RABGGTA: variants seen among roughly 807,000 people sequenced by gnomAD.
RABGGTA encodes Rab geranylgeranyltransferase subunit alpha, also known as geranylgeranyl transferase type-2 subunit alpha.
In RABGGTA, 69 loss-of-function variants were observed where a neutral mutation model predicts 83.3. The observed-to-expected ratio is 0.83, with a 90% CI of 0.68 to 1.01. The LOEUF is 1.01. Ranked by LOEUF, RABGGTA falls within the 50% of genes least tolerant of loss-of-function variation. The probability of loss-of-function intolerance (pLI) is 0.00; values close to 1 mark genes in which losing one functional copy is unlikely to be tolerated. For missense variants in RABGGTA, 681 were observed against 712.7 expected (o/e 0.96, Z 0.51); for synonymous variants, 310 against 299.8 (o/e 1.03, Z -0.35).
chr14:24,268,254 A>T, intron 11 of RABGGTA, 56 bp from the exon 12 acceptor site: 1 of 1,608,128 alleles, frequency 6.2e-7, no homozygotes, highest in Non-Finnish European at 8.5e-7. Flanking sequence ...AGCACTGGTC[A>T]ACATTCCCAG....
chr14:24,269,273 T>C (rs2040914195), intron 6 of RABGGTA, 110 bp from the exon 7 acceptor site: 3 of 1,147,014 alleles, frequency 2.6e-6, no homozygotes. Context: ...GTCTCACTTA[T>C]ATGCTGTCCT....
chr14:24,270,378 G>C lies in RABGGTA; in HGVS notation c.195C>G (p.Leu65=). The C allele has an allele frequency of 1.2e-6, 2 of 1,613,998 alleles. No homozygotes were observed. The highest frequency in any genetic ancestry group is 1.7e-6 in the Non-Finnish European group (2 of 1,179,894). The change falls in exon 4 of 17, where the codon CTC becomes CTG. Residue 65 remains leucine, a synonymous_variant. Coordinates refer to ENST00000216840, the MANE Select transcript of RABGGTA (RefSeq NM_182836.3). ...GGAGCACCTCTCGTCGGCAGTTCCA[G>C]AGGGTGGCAAAATCAGGGTTGGCTC... ...ILGANPDFAT[L]WNCRREVLQQ... is the part of the protein sequence containing the mutation.
Position 24,268,793 on chromosome 14 carries a change from C to G in RABGGTA, c.832G>C (p.Val278Leu). The G allele has an allele frequency of 6.4e-7, 1 of 1,574,184 alleles. No homozygotes were observed. The highest frequency in any genetic ancestry group is 8.6e-7 in the Non-Finnish European group (1 of 1,159,950). ...GSRMEILLLM[V>L]DDSPLIVEWR... The stretch of plus-strand genomic sequence containing the variant: ...TCCACAATCAGGGGAGAATCATCAA[C>G]CATGAGCAGCAAGATCTCCATCCTG... The change falls in exon 9 of 17, where the codon GTT becomes CTT. Residue 278 changes from valine to leucine, a missense_variant. Around this residue, in one of 5 missense-constraint regions of RABGGTA, gnomAD observed 421 missense variants for 418.5 expected, o/e 1.01. Transcript: ENST00000216840.
chr14:24,270,802 C>T, intron 3 of RABGGTA, 35 bp downstream of exon 3: 1 of 1,601,544 alleles, frequency 6.2e-7, no homozygotes, highest in South Asian at 1.1e-5. Context: ...ACTAAGGGAG[C>T]TACTTGGGGT....
At position 24,270,000 on chromosome 14, in the gene RABGGTA, C is replaced by T. The variant is rs771521218; in HGVS notation, c.380G>A (p.Arg127Gln). 35 of 1,613,654 alleles carry T rather than the reference C, an allele frequency of 2.2e-5. No individual in the cohort carries two copies. The highest frequency in any genetic ancestry group is 1.7e-4 in the Middle Eastern group (1 of 6,058). ...GAAACGGGCACAGAGCTCCAGCTCT[C>T]GGGTCCAGTTGGGCTCAGGCAGGCG... ...LGRLPEPNWT[R>Q]ELELCARFLE... The change falls in exon 5 of 17, where the codon CGA (arginine) becomes CAA (glutamine). Residue 127 changes from arginine (R) to glutamine (Q), a missense_variant. By Grantham distance (43) the Arg-to-Gln change is conservative. Around this residue, in one of 5 missense-constraint regions of RABGGTA, gnomAD observed 122 missense variants for 118.9 expected, o/e 1.03. Coordinates refer to ENST00000216840, the MANE Select transcript of RABGGTA (RefSeq NM_182836.3).
intron 16 of RABGGTA, 76 bp downstream of exon 16, chr14:24,266,354 T>G: frequency 3.6e-6 from 5 of 1,372,724 alleles, no homozygotes; most frequent in Non-Finnish European, 4.2e-6. Context: ...GCACATACCC[T>G]GCCTGCTGTC....
At chr14:24,269,810 A>T in intron 5 of RABGGTA, 116 bp from the exon 6 acceptor site, 1 of 1,417,586 alleles carries the variant, frequency 7.1e-7, no homozygotes, top group Non-Finnish European at 9.6e-7. Context: ...TCCACGGAGG[A>T]TGCATTTGGC....
intron 1 of RABGGTA, 48 bp from the exon 2 acceptor site, chr14:24,271,217 C>G: frequency 7.2e-7 from 1 of 1,384,288 alleles, no homozygotes; most frequent in Non-Finnish European, 9.6e-7. Flanking sequence ...ACTAGCTCCG[C>G]CCACAGCTGT....
intron 6 of RABGGTA, 121 bp downstream of exon 6, chr14:24,269,369 TG>T: frequency 8.0e-7 from 1 of 1,252,010 alleles, no homozygotes; most frequent in Non-Finnish European, 1.1e-6. Context: ...TAAGCACCCC[TG>T]GAGCCACGCA....
chr14:24,270,753 A>G, intron 3 of RABGGTA, 84 bp downstream of exon 3: 1 of 1,522,358 alleles, frequency 6.6e-7, no homozygotes, highest in Non-Finnish European at 8.9e-7. Flanking sequence ...GGATCTAGGC[A>G]GTCTGACTCT....
At position 24,270,956 on chromosome 14, in the gene RABGGTA, A is replaced by G; in HGVS notation, c.4-9T>C. ...ACCTTCAGGCGTCCGTGCTACAAGG[A>G]TGAACGGGTTGGAAGAGTGCAGGTT... On this transcript the variant is annotated splice_polypyrimidine_tract_variant and intron_variant, in intron 2 of 16. Coordinates refer to ENST00000216840, the MANE Select transcript of RABGGTA (RefSeq NM_182836.3). 1 of 1,613,378 alleles carries G rather than the reference A, an allele frequency of 6.2e-7. No individual in the cohort carries two copies. The highest frequency in any genetic ancestry group is 8.5e-7 in the Non-Finnish European group (1 of 1,179,622).
chr14:24,269,855 C>T, intron 5 of RABGGTA, 98 bp downstream of exon 5: 3 of 1,481,410 alleles, frequency 2.0e-6, no homozygotes, highest in Non-Finnish European at 9.2e-7. Flanking sequence ...TCAGTGGACC[C>T]ATCCTGGATA....
Position 24,267,750 on chromosome 14 carries a change from A to G in RABGGTA, c.1263T>C (p.Tyr421=). The G allele has an allele frequency of 6.2e-7, 1 of 1,612,286 alleles. No homozygotes were observed. Among genetic ancestry groups the G allele is most frequent in the South Asian group, 1.1e-5 (1 of 91,006 alleles). Residue 421 remains tyrosine (Y), a synonymous_variant, in exon 14 of 17, where the codon TAT becomes TAC. Transcript: ENST00000216840. Reference sequence around the variant, plus strand: ...AGAACTTGCTGCGCAGGTCATCCAGATACGTTGCCCGCATGGGGTCCACGG... The same window carrying G: ...AGAACTTGCTGCGCAGGTCATCCAGGTACGTTGCCCGCATGGGGTCCACGG... ...LKAVDPMRAT[Y]LDDLRSKFLL...
rs2040919040 is a variant in RABGGTA, at chr14:24,269,618, G to C, written c.504C>G (p.Asp168Glu). 1 of 1,613,976 alleles carries C rather than the reference G, an allele frequency of 6.2e-7. No homozygotes were observed. Among genetic ancestry groups the C allele is most frequent in the Non-Finnish European group, 8.5e-7 (1 of 1,179,818 alleles). The change falls in exon 6 of 17, where the codon GAC becomes GAG. Residue 168 changes from aspartate to glutamate, a missense_variant. This residue lies in a region of RABGGTA where 122 missense variants were observed against 118.9 expected (regional missense o/e 1.03). Coordinates refer to ENST00000216840, the MANE Select transcript of RABGGTA (RefSeq NM_182836.3). ...TGGAGAAGTTTCGGGTGATGAGGCT[G>C]TCAGTGAAGGCTAGCTCTTCTGCAG... ...VPPAEELAFT[D>E]SLITRNFSNY...
intron 1 of RABGGTA, 76 bp from the exon 2 acceptor site, chr14:24,271,245 G>A (rs574557187): frequency 4.8e-6 from 6 of 1,260,070 alleles, no homozygotes; most frequent in Admixed American, 2.9e-5. Context: ...AGCAGCAAGC[G>A]TGCCTGGGCA....
intron 12 of RABGGTA, 38 bp from the exon 13 acceptor site, chr14:24,267,996 A>G: frequency 6.2e-7 from 1 of 1,607,470 alleles, no homozygotes; most frequent in Non-Finnish European, 8.5e-7. Context: ...TTTCTCTTGG[A>G]ACCTCCTCTG....
At chr14:24,271,244 C>G in intron 1 of RABGGTA, 75 bp from the exon 2 acceptor site, 1 of 1,258,388 alleles carries the variant, frequency 7.9e-7, no homozygotes, top group Non-Finnish European at 1.1e-6. Flanking sequence ...AAGCAGCAAG[C>G]GTGCCTGGGC....
rs963018871 is a variant in RABGGTA, at chr14:24,266,333, G to C, written c.1555+97C>G. On this transcript the variant is annotated intron_variant, in intron 16 of 16. Transcript: ENST00000216840. ...TACAGAGCCCCCTCTCTCCTGCCCT[G>C]CAAGAGGGTGGCACATACCCTGCCT... is the stretch of plus-strand genomic sequence containing the variant. 4 of 1,155,830 alleles carry C rather than the reference G, an allele frequency of 3.5e-6. No homozygotes were observed. The African/African-American group carries it at 4.5e-5, about 13-fold the overall frequency. The allele number at this position is 1,155,830 out of a possible 1,614,324, so 71.6% of individuals were successfully genotyped here.
intron 15 of RABGGTA, 69 bp downstream of exon 15, chr14:24,266,707 G>T: frequency 7.0e-7 from 1 of 1,428,104 alleles, no homozygotes; most frequent in Non-Finnish European, 9.9e-7. Flanking sequence ...TGTAGGATGG[G>T]CAGACTTCTG....
Sources: allele counts gnomAD v4.1 joint callset, GRCh38; gene constraint gnomAD v4.1.1; regional missense constraint gnomAD v4.1.1; transcripts MANE v1.5; gene names NCBI Gene and HGNC (gene_info 2026-07-23, HGNC 2026-07-21).